The following WWOX variants were observed in gnomAD, a reference collection of about 807,000 sequenced individuals.
WWOX encodes WW domain-containing oxidoreductase.
In WWOX, 69 loss-of-function variants were observed where a neutral mutation model predicts 46.2. That is an observed-to-expected ratio of 1.49 (90% CI 1.23 to 1.82). WWOX has a LOEUF of 1.82. WWOX is among the 40% of genes most tolerant of loss of function. The pLI, the probability that WWOX is intolerant of heterozygous loss-of-function variation, is 0.00. For missense variants in WWOX, 919 were observed against 542.6 expected (o/e 1.69, Z -6.89); for synonymous variants, 359 against 202.6 (o/e 1.77, Z -6.56).
intron 6 of WWOX, among the ~76,000 whole-genome samples, chr16:78,423,648 G>A (rs1236066238): frequency 6.6e-6 from 1 of 151,912 alleles, no homozygotes; most frequent in African/African-American, 2.4e-5. Context: ...ACCACCTTGG[G>A]CAACATAGGG....
chr16:78,717,441 T>C (rs2048589825), intron 8 of WWOX, among the ~76,000 whole-genome samples: 1 of 152,236 alleles, frequency 6.6e-6, no homozygotes, highest in African/African-American at 2.4e-5. Flanking sequence ...GCTATGGCTT[T>C]AGCACCTTTT....
At chr16:78,900,521 A>G (rs986768548) in intron 8 of WWOX, among the ~76,000 whole-genome samples, 1 of 152,238 alleles carries the variant, frequency 6.6e-6, no homozygotes. Flanking sequence ...CCCTATTCAC[A>G]TAAGAATTTT....
intron 8 of WWOX, among the ~76,000 whole-genome samples, chr16:79,128,800 C>G (rs926948756): frequency 6.6e-6 from 1 of 152,162 alleles, no homozygotes; most frequent in Non-Finnish European, 1.5e-5. Flanking sequence ...GAGGCTAGGT[C>G]TCCTTACATA....
chr16:78,293,567 G>A (rs2079893047), intron 5 of WWOX, among the ~76,000 whole-genome samples: 1 of 152,116 alleles, frequency 6.6e-6, no homozygotes. Context: ...CCCCTCCCGT[G>A]CTGGTGGGAG....
chr16:78,907,199 G>C (rs143254872), intron 8 of WWOX, among the ~76,000 whole-genome samples: 47 of 152,262 alleles, frequency 3.1e-4, no homozygotes, highest in African/African-American at 9.6e-4. Context: ...ATAGGGGTGT[G>C]TAAAACCCTT....
chr16:78,438,300 C>T (rs1024836134), intron 8 of WWOX, among the ~76,000 whole-genome samples: 1 of 152,118 alleles, frequency 6.6e-6, no homozygotes, highest in African/African-American at 2.4e-5. Flanking sequence ...GATATACCAG[C>T]CTTGTAAACT....
chr16:78,110,242 A>G (rs917060969), intron 3 of WWOX, among the ~76,000 whole-genome samples: 8 of 150,060 alleles, frequency 5.3e-5, no homozygotes, highest in African/African-American at 2.0e-4. Flanking sequence ...CGGGAGGGTA[A>G]GGCGGGAGAA....
rs541292076 is a variant in WWOX at position 78,644,223 on chromosome 16, A to AAATGAATGAATG, written c.1056+211490_1056+211501dup. 5.3e-4 allele frequency among the ~76,000 whole-genome samples: 81 copies of AAATGAATGAATG among 152,086 alleles called. 1 individual carries two copies. The highest frequency in any genetic ancestry group is 1.9e-3 in the African/African-American group (79 of 41,434). ...GGCAACGAGCGAAACTCTGTCTCAA[A>AAATGAATGAATG]AATGAATGAATGAATGAATGAATGA... On this transcript the variant is annotated intron_variant, in intron 8 of 8. Transcript: ENST00000566780.
rs1003781800 is a variant in WWOX, at chr16:78,769,990, G to C, written c.1056+337238G>C. Among the ~76,000 whole-genome samples, 7 of 152,148 alleles carry C rather than the reference G, an allele frequency of 4.6e-5. 1 individual carries two copies. Among genetic ancestry groups the C allele is most frequent in the African/African-American group, 1.7e-4 (7 of 41,428 alleles). On this transcript the variant is annotated intron_variant, in intron 8 of 8. Coordinates refer to ENST00000566780, the MANE Select transcript of WWOX (RefSeq NM_016373.4). ...GCTCAAGAGGTTGAGGCTGCTGTGA[G>C]CTATGATCTCACCTCTGTACTACAG... is the stretch of plus-strand genomic sequence containing the variant.
intron 8 of WWOX, among the ~76,000 whole-genome samples, chr16:78,974,729 A>C (rs968883532): frequency 2.0e-5 from 3 of 152,196 alleles, no homozygotes; most frequent in Non-Finnish European, 4.4e-5. Flanking sequence ...CCAAACCCCA[A>C]GACCCACACT....
intron 8 of WWOX, among the ~76,000 whole-genome samples, chr16:78,679,548 C>G (rs2047681734): frequency 6.6e-6 from 1 of 152,164 alleles, no homozygotes; most frequent in African/African-American, 2.4e-5. Context: ...GAGACTCCAT[C>G]TCAAAACATA....
At position 78,637,807 on chromosome 16, in the gene WWOX, G is replaced by A. The variant is rs114681779; in HGVS notation, c.1056+205055G>A. Among the ~76,000 whole-genome samples, 483 of 152,242 alleles carry A rather than the reference G, an allele frequency of 3.2e-3. 3 individuals carry two copies. The highest frequency in any genetic ancestry group is 0.011 in the African/African-American group (462 of 41,546). On this transcript the variant is annotated intron_variant, in intron 8 of 8. Transcript: ENST00000566780. ...GGGGACCTAGGGCCTGGGTAACATT[G>A]TCCCAGGCCAGGGCCTATTGTGTTG...
At chr16:79,061,864 A>G (rs949485795) in intron 8 of WWOX, among the ~76,000 whole-genome samples, 6 of 152,302 alleles carry the variant, frequency 3.9e-5, no homozygotes, top group Middle Eastern at 3.4e-3. Context: ...TGGCAGCCTT[A>G]CTTGGTAGAC....
chr16:79,125,427 A>T (rs2049730954), intron 8 of WWOX, among the ~76,000 whole-genome samples: 1 of 152,358 alleles, frequency 6.6e-6, no homozygotes, highest in African/African-American at 2.4e-5. Flanking sequence ...AGAGTGCATT[A>T]TCTGAAGCCT....
intron 8 of WWOX, among the ~76,000 whole-genome samples, chr16:78,941,742 C>A (rs1412662490): frequency 2.0e-5 from 3 of 152,036 alleles, no homozygotes; most frequent in East Asian, 3.9e-4. Flanking sequence ...GGCAGTTAAT[C>A]GCCTTACAAT....
chr16:78,407,567 T>C lies in WWOX; in HGVS notation c.606-17303T>C, dbSNP rs140989202. 5.1e-3 allele frequency among the ~76,000 whole-genome samples: 784 copies of C among 152,308 alleles called. 10 individuals carry two copies. Among genetic ancestry groups the C allele is most frequent in the Non-Finnish European group, 4.9e-3 (334 of 68,024 alleles). ...GGTGTCTACTGCTGCTCCTAGACTC[T>C]TTAAAGCACCTTTCTCATCTCAGGT... On this transcript the variant is annotated intron_variant, in intron 6 of 8. Coordinates refer to ENST00000566780, the MANE Select transcript of WWOX (RefSeq NM_016373.4).
At chr16:79,060,186 G>C (rs1273811324) in intron 8 of WWOX, among the ~76,000 whole-genome samples, 2 of 152,136 alleles carry the variant, frequency 1.3e-5, no homozygotes, top group Non-Finnish European at 2.9e-5. Flanking sequence ...AACCCACCAA[G>C]CCTCATTTTT....
chr16:78,349,968 A>G (rs1567516524), intron 5 of WWOX, among the ~76,000 whole-genome samples: 1 of 121,206 alleles, frequency 8.3e-6, no homozygotes, highest in African/African-American at 2.8e-5. Context: ...TGCCCATACC[A>G]TACATATGCC....
chr16:78,675,003 C>G (rs112643012), intron 8 of WWOX, among the ~76,000 whole-genome samples: 1 of 152,062 alleles, frequency 6.6e-6, no homozygotes, highest in Non-Finnish European at 1.5e-5. Context: ...GAAGAGTTAT[C>G]TTAAATATTT....
Sources: allele counts gnomAD v4.1 joint callset (sites outside exome capture counted in the v4.1 genomes callset), GRCh38; gene constraint gnomAD v4.1.1; transcripts MANE v1.5; gene names NCBI Gene and HGNC (gene_info 2026-07-23, HGNC 2026-07-21).